The following RNF150 variants were observed in gnomAD, a reference collection of about 807,000 sequenced individuals.
RNF150 encodes the protein ring finger protein 150.
A neutral mutation model predicts 39.3 loss-of-function variants in RNF150; 24 were observed. That is an observed-to-expected ratio of 0.61 (90% confidence interval 0.44 to 0.86). The LOEUF (loss-of-function observed/expected upper bound fraction) is 0.86, where lower values mean the gene tolerates loss of function less well. RNF150 is among the 40% of genes least tolerant of loss of function. The pLI, the probability that RNF150 is intolerant of heterozygous loss-of-function variation, is 0.00. For missense variants in RNF150, 502 were observed against 587.8 expected (o/e 0.85, Z 1.51); for synonymous variants, 255 against 227.3 (o/e 1.12, Z -1.10).
intron 1 of RNF150, among the ~76,000 whole-genome samples, chr4:141,023,979 A>C (rs140371394): frequency 1.6e-3 from 247 of 152,318 alleles, no homozygotes; most frequent in African/African-American, 5.5e-3. Flanking sequence ...AAAATGTAAC[A>C]AATATTCTTT....
intron 1 of RNF150, among the ~76,000 whole-genome samples, chr4:141,195,956 G>T (rs1425849921): frequency 6.6e-6 from 1 of 152,140 alleles, no homozygotes; most frequent in Non-Finnish European, 1.5e-5. Context: ...GGGGCATGTG[G>T]ACAAAGATTA....
chr4:141,055,900 C>A (rs746620541), intron 1 of RNF150, among the ~76,000 whole-genome samples: 6 of 151,888 alleles, frequency 4.0e-5, no homozygotes, highest in Non-Finnish European at 7.4e-5. Flanking sequence ...ATTCATATAC[C>A]CCACACACAG....
intron 1 of RNF150, among the ~76,000 whole-genome samples, chr4:141,195,128 C>CACACT (rs1560775122): frequency 3.1e-5 from 4 of 128,934 alleles, no homozygotes; most frequent in Non-Finnish European, 5.0e-5. Context: ...ACACACACAC[C>CACACT]TGTGCACAAG....
intron 1 of RNF150, among the ~76,000 whole-genome samples, chr4:141,164,296 G>C (rs1325724466): frequency 6.6e-6 from 1 of 151,954 alleles, no homozygotes; most frequent in Non-Finnish European, 1.5e-5. Context: ...CAAGAAATAT[G>C]GGACTATGTG....
intron 1 of RNF150, among the ~76,000 whole-genome samples, chr4:141,013,631 A>G (rs1037511997): frequency 1.3e-5 from 2 of 152,136 alleles, no homozygotes; most frequent in Admixed American, 6.5e-5. Context: ...TTTTTTTCCA[A>G]TGCAACCTCT....
chr4:140,957,613 C>T (rs1197967310), intron 2 of RNF150, among the ~76,000 whole-genome samples: 6 of 152,030 alleles, frequency 3.9e-5, no homozygotes, highest in South Asian at 4.2e-4. Flanking sequence ...ATGTTTATTG[C>T]GGCATTATTC....
chr4:140,874,874 G>A (rs1038145256), intron 6 of RNF150, among the ~76,000 whole-genome samples: 2 of 152,114 alleles, frequency 1.3e-5, no homozygotes, highest in Non-Finnish European at 2.9e-5. Context: ...TATGTTGACT[G>A]GGCTGGTCTT....
chr4:141,117,428 T>C (rs1457492188), intron 1 of RNF150, among the ~76,000 whole-genome samples: 1 of 152,204 alleles, frequency 6.6e-6, no homozygotes, highest in African/African-American at 2.4e-5. Context: ...CAGTATTCAG[T>C]GTAGAAACAT....
chr4:141,105,664 A>T (rs953947321), intron 1 of RNF150, among the ~76,000 whole-genome samples: 1 of 151,766 alleles, frequency 6.6e-6, no homozygotes, highest in Non-Finnish European at 1.5e-5. Context: ...CTGAATCCAC[A>T]TTTTCCTTCC....
intron 6 of RNF150, among the ~76,000 whole-genome samples, chr4:140,890,925 C>T (rs1404068009): frequency 6.6e-6 from 1 of 152,196 alleles, no homozygotes; most frequent in African/African-American, 2.4e-5. Flanking sequence ...CCAGATGCTA[C>T]CACTTGTTTT....
In RNF150 at chr4:140,923,282, G is replaced by C. The variant is rs537969346; in HGVS notation, c.987+2695C>G. 3.6e-3 allele frequency among the ~76,000 whole-genome samples: 542 copies of C among 151,992 alleles called. 4 individuals are homozygous for C. Among genetic ancestry groups the C allele is most frequent in the African/African-American group, 0.011 (473 of 41,436 alleles). On this transcript the variant is annotated intron_variant, in intron 5 of 6. Transcript: ENST00000515673. Reference sequence around the variant, plus strand: ...CTCAAACAAATTTACAAGAAAAAAAGAAACAACCCCATCAAAAAGTGGGCA... The same window carrying C: ...CTCAAACAAATTTACAAGAAAAAAACAAACAACCCCATCAAAAAGTGGGCA...
At chr4:141,124,612 T>C (rs1001198260) in intron 1 of RNF150, among the ~76,000 whole-genome samples, 3 of 152,096 alleles carry the variant, frequency 2.0e-5, no homozygotes, top group African/African-American at 7.2e-5. Flanking sequence ...CTGTAGATAG[T>C]GGGGAACAGA....
At chr4:141,057,701 T>C (rs1457307509) in intron 1 of RNF150, among the ~76,000 whole-genome samples, 2 of 152,148 alleles carry the variant, frequency 1.3e-5, no homozygotes, top group Admixed American at 1.3e-4. Flanking sequence ...CTCTTTGACA[T>C]GCATCAGCTG....
intron 4 of RNF150, among the ~76,000 whole-genome samples, chr4:140,937,322 G>A (rs1351402329): frequency 6.6e-6 from 1 of 152,110 alleles, no homozygotes; most frequent in Non-Finnish European, 1.5e-5. Flanking sequence ...GTGCAATGGT[G>A]CGATCTCAGC....
chr4:141,001,585 C>CCT (rs1385546391), intron 1 of RNF150, among the ~76,000 whole-genome samples: 2 of 152,034 alleles, frequency 1.3e-5, no homozygotes, highest in African/African-American at 4.8e-5. Flanking sequence ...TATTTTCCTG[C>CCT]CTCTGGTTTA....
At chr4:141,047,277 G>A (rs942337631) in intron 1 of RNF150, among the ~76,000 whole-genome samples, 9 of 152,026 alleles carry the variant, frequency 5.9e-5, no homozygotes, top group Non-Finnish European at 1.0e-4. Context: ...TATTCTGAAC[G>A]TGTCCAGTGC....
chr4:140,894,714 C>T (rs1279984723), intron 6 of RNF150, among the ~76,000 whole-genome samples: 3 of 152,182 alleles, frequency 2.0e-5, no homozygotes, highest in African/African-American at 4.8e-5. Context: ...TGGCCCATGT[C>T]CTAAATAGTA....
chr4:141,075,766 A>C (rs1195164645), intron 1 of RNF150, among the ~76,000 whole-genome samples: 1 of 152,060 alleles, frequency 6.6e-6, no homozygotes, highest in Non-Finnish European at 1.5e-5. Flanking sequence ...AATTTTTCTT[A>C]AGTGAGGTTT....
intron 1 of RNF150, among the ~76,000 whole-genome samples, chr4:141,002,510 A>T (rs562966685): frequency 6.6e-6 from 1 of 152,346 alleles, no homozygotes; most frequent in South Asian, 2.1e-4. Context: ...TTTCTGTCTT[A>T]TGGAAATACT....
Sources: allele counts gnomAD v4.1 joint callset (sites outside exome capture counted in the v4.1 genomes callset), GRCh38; gene constraint gnomAD v4.1.1; transcripts MANE v1.5; gene names NCBI Gene and HGNC (gene_info 2026-07-23, HGNC 2026-07-21).